CTNNA3: variants seen among roughly 807,000 people sequenced by gnomAD.
The protein encoded by CTNNA3 is catenin alpha-3.
A neutral mutation model predicts 95.7 loss-of-function variants in CTNNA3; 76 were observed. The observed-to-expected ratio is 0.79, with a 90% CI of 0.66 to 0.96. The LOEUF is 0.96. Among genes scored for constraint, CTNNA3 ranks in the 40% least tolerant of loss-of-function variants. The pLI, the probability that CTNNA3 is intolerant of heterozygous loss-of-function variation, is 0.00. For synonymous variants in CTNNA3, 431 were observed against 374.4 expected, an observed-to-expected ratio of 1.15 and a Z score of -1.74; for missense variants, 1,191 against 1,089.8, an observed-to-expected ratio of 1.09 and a Z score of -1.31.
intron 7 of CTNNA3, among the ~76,000 whole-genome samples, chr10:66,855,526 C>T (rs974819404): frequency 6.6e-6 from 1 of 151,934 alleles, no homozygotes; most frequent in Non-Finnish European, 1.5e-5. Context: ...GTCATAGTCT[C>T]CTGTTTGTCC....
At chr10:67,429,960 T>C (rs1846055351) in intron 5 of CTNNA3, among the ~76,000 whole-genome samples, 1 of 152,094 alleles carries the variant, frequency 6.6e-6, no homozygotes, top group Middle Eastern at 3.4e-3. Flanking sequence ...GAATCATCAA[T>C]TGAGGGAATT....
At chr10:66,904,451 G>T (rs1158466817) in intron 7 of CTNNA3, among the ~76,000 whole-genome samples, 2 of 152,102 alleles carry the variant, frequency 1.3e-5, no homozygotes, top group Admixed American at 1.3e-4. Context: ...CAGGACATAG[G>T]CATGGGCAAA....
chr10:66,188,086 C>T (rs1277577609), intron 13 of CTNNA3, among the ~76,000 whole-genome samples: 4 of 151,998 alleles, frequency 2.6e-5, no homozygotes, highest in Non-Finnish European at 5.9e-5. Context: ...AATACTATCA[C>T]TAAGCTTGAA....
intron 14 of CTNNA3, among the ~76,000 whole-genome samples, chr10:66,080,105 A>G (rs777990780): frequency 6.6e-6 from 1 of 152,104 alleles, no homozygotes; most frequent in Non-Finnish European, 1.5e-5. Context: ...ATATAAATAA[A>G]ACAGTCATGC....
chr10:67,320,563 C>T (rs1241528878), intron 5 of CTNNA3, among the ~76,000 whole-genome samples: 1 of 152,130 alleles, frequency 6.6e-6, no homozygotes, highest in East Asian at 1.9e-4. Flanking sequence ...AAAATGCTCA[C>T]AGAACTAAAT....
chr10:67,236,889 A>C (rs1309369148), intron 5 of CTNNA3, among the ~76,000 whole-genome samples: 1 of 151,278 alleles, frequency 6.6e-6, no homozygotes, highest in East Asian at 1.9e-4. Context: ...ATGGGAATGT[A>C]AACTAGTACA....
rs542216961 is a variant in CTNNA3, at chr10:67,221,454, T to C, written c.580-1584A>G. On this transcript the variant is annotated intron_variant, in intron 5 of 17. Coordinates refer to ENST00000433211, the MANE Select transcript of CTNNA3 (RefSeq NM_013266.4). The stretch of plus-strand genomic sequence containing the variant: ...ACACTAAGGTTTCAAGAGACTAAGT[T>C]TCTTAGCCAAGTGGCAGAGCTAGAT... Among the ~76,000 whole-genome samples, 124 of 152,348 alleles carry C rather than the reference T, an allele frequency of 8.1e-4. 2 individuals carry two copies. Among genetic ancestry groups the C allele is most frequent in the Admixed American group, 7.7e-3 (118 of 15,288 alleles).
intron 3 of CTNNA3, among the ~76,000 whole-genome samples, chr10:67,601,127 G>C (rs775403231): frequency 3.3e-5 from 5 of 152,180 alleles, no homozygotes; most frequent in Admixed American, 6.5e-5. Flanking sequence ...ATTGTTGTTA[G>C]AGATAATGTG....
At chr10:67,160,159 C>T (rs1861473749) in intron 7 of CTNNA3, among the ~76,000 whole-genome samples, 1 of 151,694 alleles carries the variant, frequency 6.6e-6, no homozygotes, top group Non-Finnish European at 1.5e-5. Flanking sequence ...GAAATCAAAA[C>T]CAGGAGATAT....
chr10:65,960,933 A>T lies in CTNNA3; in HGVS notation c.2400+5679T>A, dbSNP rs138617971. Among the ~76,000 whole-genome samples, 22 of 152,298 alleles carry T rather than the reference A, an allele frequency of 1.4e-4. No individual in the cohort carries two copies. In the East Asian group the frequency reaches 4.1e-3, roughly 28 times the overall value. On this transcript the variant is annotated intron_variant, in intron 17 of 17. Coordinates refer to ENST00000433211, the MANE Select transcript of CTNNA3 (RefSeq NM_013266.4). ...ATTTAATAAATGTGATTATATCTTA[A>T]TTCAACTTCATCCTGGCTGAGAAGA...
At chr10:67,132,426 G>T (rs925748571) in intron 7 of CTNNA3, among the ~76,000 whole-genome samples, 1 of 152,018 alleles carries the variant, frequency 6.6e-6, no homozygotes, top group East Asian at 1.9e-4. Context: ...TTAAGAGATC[G>T]TGTTTCCAGG....
intron 3 of CTNNA3, among the ~76,000 whole-genome samples, chr10:67,579,034 C>T (rs200108214): frequency 0.01 from 652 of 63,240 alleles, 3 homozygotes; most frequent in African/African-American, 0.031. Context: ...TATATATATA[C>T]ACACACACAC....
intron 5 of CTNNA3, among the ~76,000 whole-genome samples, chr10:67,478,954 G>T (rs1222636207): frequency 6.6e-6 from 1 of 151,378 alleles, no homozygotes; most frequent in African/African-American, 2.4e-5. Flanking sequence ...ACAAAAAAAC[G>T]GCGGGAGTTG....
chr10:67,720,208 G>GTCTTTGC (rs1025494918), intron 1 of CTNNA3, among the ~76,000 whole-genome samples: 2 of 136,942 alleles, frequency 1.5e-5, no homozygotes, highest in African/African-American at 5.5e-5. Flanking sequence ...GCCTATGTGT[G>GTCTTTGC]TCTTTGCACG....
chr10:66,217,835 C>A (rs1162148788), intron 13 of CTNNA3, among the ~76,000 whole-genome samples: 1 of 152,056 alleles, frequency 6.6e-6, no homozygotes, highest in Non-Finnish European at 1.5e-5. Flanking sequence ...CAGGAGATAG[C>A]GGGAGGTCCA....
chr10:67,630,715 G>A (rs1000140245), intron 2 of CTNNA3, among the ~76,000 whole-genome samples: 1 of 152,080 alleles, frequency 6.6e-6, no homozygotes, highest in Non-Finnish European at 1.5e-5. Context: ...AAGAAATAAT[G>A]TTTATTACTG....
At chr10:66,384,547 A>G (rs1564916166) in intron 11 of CTNNA3, among the ~76,000 whole-genome samples, 1 of 152,214 alleles carries the variant, frequency 6.6e-6, no homozygotes, top group Non-Finnish European at 1.5e-5. Context: ...CAGAAGTTTA[A>G]CAAGGATATC....
intron 7 of CTNNA3, among the ~76,000 whole-genome samples, chr10:66,949,486 A>T (rs970958384): frequency 6.6e-6 from 1 of 151,992 alleles, no homozygotes; most frequent in African/African-American, 2.4e-5. Flanking sequence ...TGAACCCAGG[A>T]GGCGGAGGTT....
At chr10:65,978,600 G>A (rs184360976) in intron 16 of CTNNA3, among the ~76,000 whole-genome samples, 19 of 151,922 alleles carry the variant, frequency 1.3e-4, no homozygotes, top group Middle Eastern at 3.4e-3. Flanking sequence ...GTCATCAGGC[G>A]ATCCATGTAA....
Sources: gnomAD v4.1 joint callset for allele counts (sites outside exome capture counted in the v4.1 genomes callset) on GRCh38, gnomAD v4.1.1 for gene constraint, MANE v1.5 for transcripts, NCBI Gene and HGNC (gene_info 2026-07-23, HGNC 2026-07-21) for gene names.